RELN: variants seen among roughly 807,000 people sequenced by gnomAD.
RELN encodes the protein reelin.
Under a neutral mutation model 427.6 loss-of-function variants are expected in RELN, and 108 were observed. The observed-to-expected ratio is 0.25, with a 90% CI of 0.22 to 0.30. The LOEUF (loss-of-function observed/expected upper bound fraction) is 0.30, where lower values mean the gene tolerates loss of function less well. RELN is among the 10% of genes least tolerant of loss of function. RELN has a pLI of 1.00. For missense variants in RELN, 3,715 were observed against 4,302.8 expected (o/e 0.86, Z 3.82); for synonymous variants, 1,524 against 1,513.4 (o/e 1.01, Z -0.16).
At chr7:103,643,302 T>C (rs1832730886) in intron 16 of RELN, among the ~76,000 whole-genome samples, 1 of 152,106 alleles carries the variant, frequency 6.6e-6, no homozygotes, top group African/African-American at 2.4e-5. Flanking sequence ...ACTTGTAGTA[T>C]AAGCCTTCAG....
At chr7:103,678,753 A>G (rs551701121) in intron 11 of RELN, among the ~76,000 whole-genome samples, 4 of 152,316 alleles carry the variant, frequency 2.6e-5, no homozygotes, top group South Asian at 4.1e-4. Context: ...TTATATCCAC[A>G]TTAATAATTT....
chr7:103,787,583 G>A (rs954682711), intron 3 of RELN, among the ~76,000 whole-genome samples: 1 of 152,162 alleles, frequency 6.6e-6, no homozygotes, highest in Non-Finnish European at 1.5e-5. Context: ...AGAAAATCTA[G>A]AAGAAATGGA....
intron 28 of RELN, among the ~76,000 whole-genome samples, chr7:103,585,816 C>G (rs1831256771): frequency 6.6e-6 from 1 of 152,102 alleles, no homozygotes; most frequent in African/African-American, 2.4e-5. Context: ...CAAGAAAATA[C>G]CAGCAAACTG....
At chr7:103,663,930 C>T (rs1213880760) in intron 11 of RELN, among the ~76,000 whole-genome samples, 1 of 152,180 alleles carries the variant, frequency 6.6e-6, no homozygotes, top group Non-Finnish European at 1.5e-5. Context: ...CCCCAGGTGC[C>T]TGTTCCCTTA....
intron 3 of RELN, among the ~76,000 whole-genome samples, chr7:103,798,697 G>A (rs913382048): frequency 1.2e-4 from 19 of 152,144 alleles, no homozygotes; most frequent in Non-Finnish European, 1.6e-4. Flanking sequence ...TGCTTTGCCC[G>A]CTTCCATGCT....
chr7:103,977,705 A>G (rs1796910135), intron 1 of RELN, among the ~76,000 whole-genome samples: 1 of 152,070 alleles, frequency 6.6e-6, no homozygotes, highest in Non-Finnish European at 1.5e-5. Context: ...TCTCCTTGAG[A>G]CACGAATCAT....
At chr7:103,589,393 A>T (rs1015742334) in intron 28 of RELN, among the ~76,000 whole-genome samples, 4 of 152,214 alleles carry the variant, frequency 2.6e-5, no homozygotes, top group African/African-American at 9.6e-5. Flanking sequence ...TATTGTGTAA[A>T]GTGGCCTATG....
intron 4 of RELN, among the ~76,000 whole-genome samples, chr7:103,764,247 C>T (rs559414663): frequency 1.3e-5 from 2 of 152,258 alleles, no homozygotes; most frequent in South Asian, 4.2e-4. Context: ...TCCTCACAAC[C>T]TTATGATGTT....
intron 3 of RELN, among the ~76,000 whole-genome samples, chr7:103,831,695 C>T (rs1267049140): frequency 6.6e-6 from 1 of 152,028 alleles, no homozygotes; most frequent in Non-Finnish European, 1.5e-5. Flanking sequence ...TGTGGGAAGG[C>T]CTGCCAGTTC....
chr7:103,842,292 T>C (rs142067809), intron 2 of RELN, among the ~76,000 whole-genome samples: 71 of 151,626 alleles, frequency 4.7e-4, no homozygotes, highest in African/African-American at 1.7e-3. Flanking sequence ...TCTGAAAATG[T>C]AGTTTGGAAA....
chr7:103,905,850 G>A (rs1462564683), intron 2 of RELN, among the ~76,000 whole-genome samples: 1 of 152,152 alleles, frequency 6.6e-6, no homozygotes, highest in Non-Finnish European at 1.5e-5. Context: ...AGGGAGTGGA[G>A]AATTCCACGG....
intron 1 of RELN, among the ~76,000 whole-genome samples, chr7:103,965,171 A>G (rs1796636984): frequency 6.6e-6 from 1 of 152,252 alleles, no homozygotes; most frequent in Non-Finnish European, 1.5e-5. Flanking sequence ...CTTAAGGCCA[A>G]GATTTTTCAA....
chr7:103,648,561 AC>A (rs1832844249), intron 16 of RELN, among the ~76,000 whole-genome samples: 1 of 152,126 alleles, frequency 6.6e-6, no homozygotes, highest in Non-Finnish European at 1.5e-5. Flanking sequence ...AAAAGCACAG[AC>A]AACAAAAACA....
intron 19 of RELN, among the ~76,000 whole-genome samples, chr7:103,633,302 G>A (rs58317364): frequency 0.18 from 27,148 of 151,624 alleles, 3,160 homozygotes; most frequent in African/African-American, 0.33. Flanking sequence ...ATAGCTAAAG[G>A]CATCAAGATA....
At chr7:103,898,564 A>T (rs1452953427) in intron 2 of RELN, among the ~76,000 whole-genome samples, 6 of 152,066 alleles carry the variant, frequency 3.9e-5, no homozygotes, top group Non-Finnish European at 1.5e-5. Flanking sequence ...AAACAACAAT[A>T]AATATCTATT....
At position 103,787,138 on chromosome 7, in the gene RELN, CTT is replaced by C. The variant is rs568061124; in HGVS notation, c.474-10513_474-10512del. ...AAATTAAGGCACAAATAAATAAACT[CTT>C]TGAAACCAATGAGAACAAAGACACA... On this transcript the variant is annotated intron_variant, in intron 3 of 64. Transcript: ENST00000428762. 1.9e-4 allele frequency among the ~76,000 whole-genome samples: 29 copies of C among 152,242 alleles called. 1 individual carries two copies. In the South Asian group the frequency reaches 5.8e-3, roughly 30 times the overall value.
At chr7:103,806,116 A>G (rs1792593792) in intron 3 of RELN, among the ~76,000 whole-genome samples, 1 of 152,200 alleles carries the variant, frequency 6.6e-6, no homozygotes, top group African/African-American at 2.4e-5. Flanking sequence ...GTCATGCTTA[A>G]TTTTTCAGGT....
intron 11 of RELN, among the ~76,000 whole-genome samples, chr7:103,663,362 G>A (rs1013421031): frequency 1.3e-5 from 2 of 152,132 alleles, no homozygotes; most frequent in African/African-American, 2.4e-5. Context: ...CTTGTTGAGC[G>A]ATGGCGGGAT....
At chr7:103,682,948 T>C (rs1833687144) in intron 10 of RELN, among the ~76,000 whole-genome samples, 1 of 152,142 alleles carries the variant, frequency 6.6e-6, no homozygotes, top group Non-Finnish European at 1.5e-5. Flanking sequence ...TTTTTTCAGC[T>C]TGAAGAGAAT....
Sources: gnomAD v4.1 joint callset for allele counts (sites outside exome capture counted in the v4.1 genomes callset) on GRCh38, gnomAD v4.1.1 for gene constraint, MANE v1.5 for transcripts, NCBI Gene and HGNC (gene_info 2026-07-23, HGNC 2026-07-21) for gene names.